POFUT4: variants seen among roughly 807,000 people sequenced by gnomAD.
POFUT4 encodes protein O-fucosyltransferase 4.
chr10:73,775,338 TG>T, the POFUT4 span: 4 of 1,227,802 alleles, frequency 3.3e-6, no homozygotes, highest in Non-Finnish European at 4.7e-6. Context: ...GGGTAGTCTG[TG>T]TGATGTCTTT....
the POFUT4 span, chr10:73,772,324 C>A: frequency 1.0e-5 from 15 of 1,436,964 alleles, no homozygotes; most frequent in South Asian, 1.7e-4. Flanking sequence ...CGCCGGCTGC[C>A]GGAGTGGACA....
the POFUT4 span, chr10:73,773,358 CTG>C: frequency 5.6e-6 from 9 of 1,614,086 alleles, no homozygotes; most frequent in Non-Finnish European, 7.6e-6. Flanking sequence ...GACAGAAAAA[CTG>C]TGGCGTCCCA....
the POFUT4 span, chr10:73,773,576 G>C: frequency 3.1e-6 from 5 of 1,614,258 alleles, no homozygotes; most frequent in Admixed American, 8.3e-5. Context: ...AATTTCTTCT[G>C]GATAGTCTGA....
At chr10:73,777,591 G>A in the POFUT4 span, among the ~76,000 whole-genome samples, 1 of 144,922 alleles carries the variant, frequency 6.9e-6, no homozygotes, top group African/African-American at 2.6e-5. Context: ...TTTCGCTCTT[G>A]TTGCCCAGGC....
At chr10:73,773,597 G>GT in the POFUT4 span, 4 of 1,614,274 alleles carry the variant, frequency 2.5e-6, no homozygotes, top group Non-Finnish European at 3.4e-6. Context: ...AGCATCGGGA[G>GT]TGGGGAGTGA....
the POFUT4 span, chr10:73,772,677 C>T: frequency 6.4e-6 from 10 of 1,558,324 alleles, no homozygotes; most frequent in South Asian, 1.2e-4. Flanking sequence ...CTGAGGGACT[C>T]GCGGACGCGC....
At chr10:73,773,652 G>T in the POFUT4 span, 1 of 1,614,238 alleles carries the variant, frequency 6.2e-7, no homozygotes. Flanking sequence ...CGAGTGTTTC[G>T]TCTGTGACTA....
chr10:73,773,643 G>A, the POFUT4 span: 5 of 1,614,118 alleles, frequency 3.1e-6, no homozygotes, highest in African/African-American at 2.7e-5. Context: ...CAACGGCTTC[G>A]AGTGTTTCGT....
the POFUT4 span, chr10:73,772,517 T>G: frequency 6.4e-7 from 1 of 1,564,424 alleles, no homozygotes; most frequent in Non-Finnish European, 8.6e-7. Flanking sequence ...GACGCGCAGC[T>G]CTGGGACGCC....
the POFUT4 span, chr10:73,773,761 G>A: frequency 4.4e-6 from 7 of 1,606,140 alleles, no homozygotes; most frequent in Non-Finnish European, 6.0e-6. Context: ...CACATGGACT[G>A]CCCAGTGCCC....
chr10:73,775,615 A>G, the POFUT4 span: 6 of 1,614,138 alleles, frequency 3.7e-6, no homozygotes, highest in South Asian at 1.1e-5. Context: ...ATGATCCACA[A>G]CAATGAAACA....
At chr10:73,775,769 C>A in the POFUT4 span, 1 of 1,345,536 alleles carries the variant, frequency 7.4e-7, no homozygotes, top group Non-Finnish European at 1.0e-6. Context: ...ACTGCACAAA[C>A]CCTTAATGAA....
chr10:73,773,912 G>A, the POFUT4 span: 5 of 1,347,862 alleles, frequency 3.7e-6, no homozygotes, highest in Admixed American at 4.8e-5. Flanking sequence ...GGTGCAGGAG[G>A]AAATTATCAC....
the POFUT4 span, among the ~76,000 whole-genome samples, chr10:73,777,891 A>C: frequency 1.7e-5 from 2 of 121,198 alleles, no homozygotes; most frequent in African/African-American, 3.2e-5. Flanking sequence ...GCAGAGTCTC[A>C]CTCCATCACC....
chr10:73,772,515 G>A, the POFUT4 span: 11 of 1,563,082 alleles, frequency 7.0e-6, no homozygotes, highest in African/African-American at 2.8e-5. Context: ...GTGACGCGCA[G>A]CTCTGGGACG....
the POFUT4 span, chr10:73,775,087 TAAG>T: frequency 3.7e-6 from 1 of 267,348 alleles, no homozygotes; most frequent in Non-Finnish European, 7.2e-6. Flanking sequence ...TATGAAACAT[TAAG>T]AAAATAAATA....
At chr10:73,778,376 A>G in the POFUT4 span, among the ~76,000 whole-genome samples, 1 of 139,080 alleles carries the variant, frequency 7.2e-6, no homozygotes, top group Non-Finnish European at 1.5e-5. Flanking sequence ...CTGGGTGACG[A>G]GCGAAACTCC....
the POFUT4 span, chr10:73,772,605 G>C: frequency 9.6e-6 from 15 of 1,567,590 alleles, no homozygotes; most frequent in South Asian, 1.7e-4. Flanking sequence ...CACTTCCCGG[G>C]AGACTCGGAG....
At chr10:73,778,455 G>T in the POFUT4 span, among the ~76,000 whole-genome samples, 1 of 150,558 alleles carries the variant, frequency 6.6e-6, no homozygotes, top group African/African-American at 2.4e-5. Flanking sequence ...TTCTGTTGCT[G>T]TGGTTTGAAC....
Sources: gnomAD v4.1 joint callset for allele counts (sites outside exome capture counted in the v4.1 genomes callset) on GRCh38, gnomAD v4.1.1 for gene constraint, MANE v1.5 for transcripts, NCBI Gene and HGNC (gene_info 2026-07-23, HGNC 2026-07-21) for gene names.